Variants in MIPEP observed in about 807,000 individuals in gnomAD.
The protein encoded by MIPEP is mitochondrial intermediate peptidase.
In MIPEP, 79 loss-of-function variants were observed where a neutral mutation model predicts 90.3. The ratio of observed to expected loss-of-function variants is 0.87; its 90% CI spans 0.73 to 1.05. MIPEP has a LOEUF of 1.05. MIPEP is among the 50% of genes least tolerant of loss of function. The pLI is 0.00. For synonymous variants in MIPEP, 334 were observed against 315.8 expected (o/e 1.06, Z -0.61); for missense variants, 940 against 905.6 (o/e 1.04, Z -0.49).
chr13:23,787,631 T>C (rs985668345), intron 16 of MIPEP, among the ~76,000 whole-genome samples: 12 of 152,300 alleles, frequency 7.9e-5, no homozygotes, highest in African/African-American at 2.6e-4. Context: ...CTTTCTCTCG[T>C]GTCCCCTACC....
chr13:23,836,393 A>G (rs371371298), intron 13 of MIPEP, 44 bp from the exon 14 acceptor site: 618 of 1,184,466 alleles, frequency 5.2e-4, no homozygotes, highest in Non-Finnish European at 6.5e-4. Context: ...TCAAATCAAT[A>G]TATTTATCTA....
chr13:23,747,004 G>C (rs375768165), intron 18 of MIPEP, among the ~76,000 whole-genome samples: 1 of 152,192 alleles, frequency 6.6e-6, no homozygotes, highest in East Asian at 1.9e-4. Flanking sequence ...CAAAACAGAA[G>C]TTGAAGAAGA....
In MIPEP at chr13:23,870,121, G is replaced by A. The variant is rs1234431455; in HGVS notation, c.678C>T (p.Pro226=). Residue 226 remains proline, a synonymous_variant, in exon 6 of 19, where the codon CCC becomes CCT. Transcript: ENST00000382172. ...SSTFLMGTNF[P]NKIEKHLLPE... ...GTAAGAGATGCTTCTCAATCTTGTTGGGAAAATTGGTTCCCATAAGAAATG... is the reference window on the plus strand; with the variant it reads ...GTAAGAGATGCTTCTCAATCTTGTTAGGAAAATTGGTTCCCATAAGAAATG... 5 of 1,611,974 alleles carry A rather than the reference G, an allele frequency of 3.1e-6. No individual in the cohort carries two copies. Among genetic ancestry groups the A allele is most frequent in the Non-Finnish European group, 3.4e-6 (4 of 1,178,954 alleles).
chr13:23,875,427 ATTC>A (rs1871029686), intron 4 of MIPEP, among the ~76,000 whole-genome samples: 1 of 152,054 alleles, frequency 6.6e-6, no homozygotes. Flanking sequence ...AGAATATTAA[ATTC>A]TTTGATGCTG....
At chr13:23,815,151 T>C (rs182756108) in intron 14 of MIPEP, among the ~76,000 whole-genome samples, 8 of 152,326 alleles carry the variant, frequency 5.3e-5, no homozygotes, top group Admixed American at 1.3e-4. Flanking sequence ...TCACTGACTT[T>C]GACGAACTTT....
chr13:23,831,683 C>T (rs1868774550), intron 14 of MIPEP, among the ~76,000 whole-genome samples: 1 of 152,114 alleles, frequency 6.6e-6, no homozygotes, highest in Non-Finnish European at 1.5e-5. Flanking sequence ...GAGAACTAAT[C>T]CATTCCAGAG....
chr13:23,818,894 G>T (rs190602967), intron 14 of MIPEP, among the ~76,000 whole-genome samples: 1 of 152,178 alleles, frequency 6.6e-6, no homozygotes, highest in Non-Finnish European at 1.5e-5. Flanking sequence ...TCCCTTACCT[G>T]AAATTCCATA....
chr13:23,734,473 T>C (rs1952238945), intron 18 of MIPEP, among the ~76,000 whole-genome samples: 1 of 152,200 alleles, frequency 6.6e-6, no homozygotes, highest in African/African-American at 2.4e-5. Flanking sequence ...ATTTATGGCC[T>C]TTAATAATTG....
At chr13:23,825,760 G>A (rs1868423886) in intron 14 of MIPEP, among the ~76,000 whole-genome samples, 1 of 152,150 alleles carries the variant, frequency 6.6e-6, no homozygotes, top group Non-Finnish European at 1.5e-5. Context: ...CCCTGGCTGA[G>A]TCTAAGGTAG....
intron 10 of MIPEP, among the ~76,000 whole-genome samples, chr13:23,846,186 T>C (rs1173717274): frequency 6.6e-6 from 1 of 152,192 alleles, no homozygotes; most frequent in Non-Finnish European, 1.5e-5. Context: ...TATAGATATA[T>C]TGATGCTCTT....
chr13:23,871,349 G>A (rs547571211), intron 5 of MIPEP, among the ~76,000 whole-genome samples: 8 of 152,236 alleles, frequency 5.3e-5, no homozygotes, highest in Middle Eastern at 3.4e-3. Context: ...ACATAATTAG[G>A]CTGACTGGAG....
intron 9 of MIPEP, 39 bp from the exon 10 acceptor site, chr13:23,858,951 CTCTT>C: frequency 6.4e-7 from 1 of 1,573,930 alleles, no homozygotes; most frequent in East Asian, 2.2e-5. Flanking sequence ...AAGCTACTGA[CTCTT>C]TCATAGTTTT....
At chr13:23,756,740 T>C in intron 17 of MIPEP, 122 bp from the exon 18 acceptor site, 1 of 872,976 alleles carries the variant, frequency 1.1e-6, no homozygotes, top group Non-Finnish European at 1.8e-6. Context: ...ATGTGACAAT[T>C]TGGCCCCTAT....
At chr13:23,843,734 C>A (rs997206899) in intron 10 of MIPEP, among the ~76,000 whole-genome samples, 5 of 152,104 alleles carry the variant, frequency 3.3e-5, no homozygotes, top group Admixed American at 3.3e-4. Flanking sequence ...GACTTCCAGG[C>A]TTCAGAGGGT....
intron 16 of MIPEP, among the ~76,000 whole-genome samples, chr13:23,778,062 T>C (rs1002338908): frequency 6.6e-6 from 1 of 152,218 alleles, no homozygotes; most frequent in Non-Finnish European, 1.5e-5. Context: ...TAGACGTACT[T>C]TGGCTTAAGT....
At chr13:23,831,461 T>C (rs1240293928) in intron 14 of MIPEP, among the ~76,000 whole-genome samples, 2 of 150,934 alleles carry the variant, frequency 1.3e-5, no homozygotes, top group Non-Finnish European at 2.9e-5. Flanking sequence ...GGGTAAATTA[T>C]AAAGAACAGA....
chr13:23,863,990 T>C, intron 8 of MIPEP, 151 bp downstream of exon 8: 1 of 466,462 alleles, frequency 2.1e-6, no homozygotes. Context: ...AACTATGGCC[T>C]TTTAAAGTAT....
intron 14 of MIPEP, among the ~76,000 whole-genome samples, chr13:23,824,573 T>C (rs1408373609): frequency 6.6e-6 from 1 of 152,210 alleles, no homozygotes; most frequent in African/African-American, 2.4e-5. Context: ...AGCTCTGATT[T>C]CCCAGCTGAT....
At chr13:23,805,429 A>C (rs1953097288) in intron 16 of MIPEP, among the ~76,000 whole-genome samples, 1 of 152,236 alleles carries the variant, frequency 6.6e-6, no homozygotes, top group Non-Finnish European at 1.5e-5. Flanking sequence ...TGAGAGCTAA[A>C]TTAGAGATCT....
Sources: gnomAD v4.1 joint callset for allele counts (sites outside exome capture counted in the v4.1 genomes callset) on GRCh38, gnomAD v4.1.1 for gene constraint, MANE v1.5 for transcripts, NCBI Gene and HGNC (gene_info 2026-07-23, HGNC 2026-07-21) for gene names.